DYRK4: variants seen among roughly 807,000 people sequenced by gnomAD.
The protein encoded by DYRK4 is dual specificity tyrosine phosphorylation regulated kinase 4.
In DYRK4, 64 loss-of-function variants were observed where a neutral mutation model predicts 68.3. The ratio of observed to expected loss-of-function variants is 0.94; its 90% CI spans 0.77 to 1.15. The LOEUF (loss-of-function observed/expected upper bound fraction) is 1.15, where lower values mean the gene tolerates loss of function less well. Ranked by LOEUF, DYRK4 falls within the 50% of genes most tolerant of loss-of-function variation. The pLI is 0.00. For synonymous variants in DYRK4, 274 were observed against 289.9 expected (o/e 0.95, Z 0.56); for missense variants, 740 against 764.7 (o/e 0.97, Z 0.38).
chr12:4,562,254 C>A lies in DYRK4; in HGVS notation c.9C>A (p.Leu3=), dbSNP rs1944633345. The change falls in exon 1 of 15, where the codon CTC becomes CTA. Residue 3 remains leucine, a synonymous_variant. Coordinates refer to ENST00000543431, the MANE Select transcript of DYRK4 (RefSeq NM_001394779.1). ...CGGTCAGCGCCGGCCTCATGCAGCTCCTCCCGCCGCCTATCCGCACCGGAA... is the reference window on the plus strand; with the variant it reads ...CGGTCAGCGCCGGCCTCATGCAGCTACTCCCGCCGCCTATCCGCACCGGAA... MQ[L]LPPPIRTGTK... is the part of the protein sequence containing the mutation. 6.5e-7 allele frequency: 1 copy of A among 1,532,816 alleles called. No homozygotes were observed. Among genetic ancestry groups the A allele is most frequent in the Non-Finnish European group, 8.7e-7 (1 of 1,145,482 alleles). 95.0% of individuals were successfully genotyped at this position (1,532,816 alleles called of 1,614,324 possible). A position where few individuals can be genotyped will look rare whatever the true frequency, so the allele number is the denominator to read the frequency against.
At chr12:4,605,729 GTTTTTTTTTT>G (rs58963826) in intron 11 of DYRK4, among the ~76,000 whole-genome samples, 3,005 of 102,168 alleles carry the variant, frequency 0.029, 113 homozygotes, top group South Asian at 0.14. Context: ...ATAGAGCTGG[GTTTTTTTTTT>G]TTTTTTTTTT....
At chr12:4,589,393 A>T (rs1352846781) in intron 3 of DYRK4, among the ~76,000 whole-genome samples, 1 of 152,176 alleles carries the variant, frequency 6.6e-6, no homozygotes, top group Non-Finnish European at 1.5e-5. Context: ...TATTGATTAT[A>T]GTCACCCTGT....
intron 2 of DYRK4, among the ~76,000 whole-genome samples, chr12:4,586,813 C>T (rs748989909): frequency 3.9e-5 from 6 of 152,090 alleles, no homozygotes; most frequent in Non-Finnish European, 8.8e-5. Context: ...GAGCAAAGAT[C>T]GCTCTCTCCA....
At position 4,562,292 on chromosome 12, in the gene DYRK4, C is replaced by T. The variant is rs1035309571; in HGVS notation, c.38+9C>T. ...ATCCGCACCGGAACAAAGTAAGGGCCGCGGAGGCTCGTACTTCACGAGCAG... is the reference window on the plus strand; with the variant it reads ...ATCCGCACCGGAACAAAGTAAGGGCTGCGGAGGCTCGTACTTCACGAGCAG... On this transcript the variant is annotated intron_variant, in intron 1 of 14. Transcript: ENST00000543431. 1.3e-6 allele frequency: 2 copies of T among 1,531,620 alleles called. No individual in the cohort carries two copies. Among genetic ancestry groups the T allele is most frequent in the African/African-American group, 1.4e-5 (1 of 72,796 alleles). The allele number at this position is 1,531,620 out of a possible 1,614,324, so 94.9% of individuals were successfully genotyped here.
chr12:4,566,724 AGT>A (rs1452007595), intron 1 of DYRK4, among the ~76,000 whole-genome samples: 1 of 152,260 alleles, frequency 6.6e-6, no homozygotes, highest in East Asian at 1.9e-4. Context: ...AGAAGGAAGA[AGT>A]GAAACTATGA....
intron 2 of DYRK4, among the ~76,000 whole-genome samples, chr12:4,570,251 A>T (rs1944717614): frequency 6.6e-6 from 1 of 151,984 alleles, no homozygotes; most frequent in Non-Finnish European, 1.5e-5. Flanking sequence ...AAATAAATAA[A>T]ATTTAAAAAA....
chr12:4,586,710 A>G (rs1944900538), intron 2 of DYRK4, among the ~76,000 whole-genome samples: 1 of 92,946 alleles, frequency 1.1e-5, no homozygotes, highest in African/African-American at 3.4e-5. Context: ...CTGCGTACAC[A>G]CACACACACA....
intron 2 of DYRK4, among the ~76,000 whole-genome samples, chr12:4,577,457 T>C (rs1944801127): frequency 6.6e-6 from 1 of 152,240 alleles, no homozygotes; most frequent in African/African-American, 2.4e-5. Flanking sequence ...TGTGTGGGTC[T>C]ATTTATGGGG....
intron 7 of DYRK4, 64 bp downstream of exon 7, chr12:4,596,349 G>A: frequency 2.5e-6 from 4 of 1,603,268 alleles, no homozygotes; most frequent in Non-Finnish European, 3.4e-6. Flanking sequence ...CCTGCAGAAT[G>A]CCAGCCCTTC....
chr12:4,602,704 A>G, intron 10 of DYRK4: 1 of 1,476,346 alleles, frequency 6.8e-7, no homozygotes, highest in South Asian at 1.1e-5. Flanking sequence ...AATGGGAGGC[A>G]AATACCCCTG....
chr12:4,571,605 T>C (rs1355466781), intron 2 of DYRK4, among the ~76,000 whole-genome samples: 16 of 151,978 alleles, frequency 1.1e-4, no homozygotes, highest in Non-Finnish European at 2.9e-5. Flanking sequence ...TATTGTATTT[T>C]ATTTTATTTA....
intron 12 of DYRK4, 146 bp downstream of exon 12, chr12:4,607,533 G>A: frequency 1.1e-6 from 1 of 876,066 alleles, no homozygotes; most frequent in Non-Finnish European, 1.8e-6. Context: ...TAATGAGCAG[G>A]GGAATCGGAT....
At chr12:4,606,293 G>GCTGGCTATCTATCTAT (rs149226177) in intron 11 of DYRK4, among the ~76,000 whole-genome samples, 15 of 151,148 alleles carry the variant, frequency 9.9e-5, no homozygotes, top group African/African-American at 3.2e-4. Flanking sequence ...TGGCTGGCTG[G>GCTGGCTATCTATCTAT]CTATCTATCT....
intron 2 of DYRK4, chr12:4,581,109 A>C: frequency 7.7e-6 from 2 of 260,920 alleles, no homozygotes; most frequent in Non-Finnish European, 1.5e-5. Context: ...AGGACATAAT[A>C]CTCCCCTGTG....
intron 2 of DYRK4, among the ~76,000 whole-genome samples, chr12:4,585,078 G>A (rs950641656): frequency 1.3e-5 from 2 of 152,160 alleles, no homozygotes; most frequent in Non-Finnish European, 2.9e-5. Flanking sequence ...CCTGCCTGTG[G>A]CATGTCACCG....
intron 13 of DYRK4, chr12:4,610,488 A>G: frequency 2.2e-6 from 1 of 461,098 alleles, no homozygotes; most frequent in African/African-American, 2.0e-5. Context: ...GTCAGGGCAG[A>G]TGATTTGCTC....
chr12:4,588,552 A>G (rs192996184), intron 2 of DYRK4, among the ~76,000 whole-genome samples: 1 of 152,118 alleles, frequency 6.6e-6, no homozygotes. Flanking sequence ...TCAGAGCCAC[A>G]CTCAGGGCGA....
At chr12:4,606,264 G>T (rs1591807340) in intron 11 of DYRK4, among the ~76,000 whole-genome samples, 1 of 151,878 alleles carries the variant, frequency 6.6e-6, no homozygotes, top group Non-Finnish European at 1.5e-5. Context: ...GATATTTTGT[G>T]TGCAAACACC....
intron 13 of DYRK4, among the ~76,000 whole-genome samples, chr12:4,611,610 GTTGT>G (rs2137412946): frequency 6.6e-6 from 1 of 152,316 alleles, no homozygotes; most frequent in African/African-American, 2.4e-5. Context: ...AAGGAGAGAT[GTTGT>G]TTAACAGCAA....
Sources: gnomAD v4.1 joint callset for allele counts (sites outside exome capture counted in the v4.1 genomes callset) on GRCh38, gnomAD v4.1.1 for gene constraint, MANE v1.5 for transcripts, NCBI Gene and HGNC (gene_info 2026-07-23, HGNC 2026-07-21) for gene names.